The following ADCY5 variants were observed in gnomAD, a reference collection of about 807,000 sequenced individuals.
ADCY5 encodes adenylate cyclase 5.
In ADCY5, 30 loss-of-function variants were observed where a neutral mutation model predicts 119.7. The observed-to-expected ratio is 0.25, with a 90% confidence interval of 0.19 to 0.34. ADCY5 has a LOEUF of 0.34. Among genes scored for constraint, ADCY5 ranks in the 10% least tolerant of loss-of-function variants. The probability of loss-of-function intolerance (pLI) is 1.00; values close to 1 mark genes in which losing one functional copy is unlikely to be tolerated. For missense variants in ADCY5, 1,324 were observed against 1,775.2 expected (o/e 0.75, Z 4.57); for synonymous variants, 753 against 762.2 (o/e 0.99, Z 0.20).
chr3:123,369,107 T>C (rs1559842274), intron 1 of ADCY5, among the ~76,000 whole-genome samples: 1 of 152,218 alleles, frequency 6.6e-6, no homozygotes, highest in East Asian at 1.9e-4. Flanking sequence ...TGGAAAGTAA[T>C]AAGGATTAAA....
intron 2 of ADCY5, among the ~76,000 whole-genome samples, chr3:123,349,337 G>A (rs895886199): frequency 2.0e-5 from 3 of 152,070 alleles, no homozygotes; most frequent in African/African-American, 4.8e-5. Context: ...CCCCTCAGCC[G>A]CAGGACCTGT....
rs552311969 is a variant in ADCY5 at position 123,442,712 on chromosome 3, C to T, written c.1134+4700G>A. Among the ~76,000 whole-genome samples, 13 of 152,290 alleles carry T rather than the reference C, an allele frequency of 8.5e-5. No homozygotes were observed. The South Asian group carries it at 1.9e-3, about 22-fold the overall frequency. On this transcript the variant is annotated intron_variant, in intron 1 of 20. Coordinates refer to ENST00000462833, the MANE Select transcript of ADCY5 (RefSeq NM_183357.3). The stretch of plus-strand genomic sequence containing the variant: ...ATTGTGCCCCTCCGCTGAGTCTCTG[C>T]CATTCCTGAAGTCCTCCCCCAGGGA...
chr3:123,373,778 C>T (rs1436017933), intron 1 of ADCY5, among the ~76,000 whole-genome samples: 3 of 137,382 alleles, frequency 2.2e-5, no homozygotes, highest in South Asian at 2.8e-4. Context: ...CCCCGACCCC[C>T]CCGCAGGTAG....
chr3:123,287,771 C>G (rs1442053331), intron 19 of ADCY5, among the ~76,000 whole-genome samples: 1 of 152,204 alleles, frequency 6.6e-6, no homozygotes, highest in South Asian at 2.1e-4. Context: ...CTGATGGCTT[C>G]TATTTCCCAA....
chr3:123,397,935 TAA>T (rs1355350227), intron 1 of ADCY5, among the ~76,000 whole-genome samples: 1 of 150,508 alleles, frequency 6.6e-6, no homozygotes, highest in Non-Finnish European at 1.5e-5. Flanking sequence ...GCTGGGAGAG[TAA>T]AGAGAGGACC....
At position 123,443,959 on chromosome 3, in the gene ADCY5, C is replaced by T. The variant is rs1023578538; in HGVS notation, c.1134+3453G>A. ...TCCTGGAGTGCAAATGACCACCCCA[C>T]CCCACAGGGCACAACGATACCTTCT... On this transcript the variant is annotated intron_variant, in intron 1 of 20. Transcript: ENST00000462833. Among the ~76,000 whole-genome samples, 9 of 152,338 alleles carry T rather than the reference C, an allele frequency of 5.9e-5. No homozygotes were observed. In the East Asian group the frequency reaches 1.2e-3, roughly 20 times the overall value.
Position 123,318,071 on chromosome 3 carries a change from G to A in ADCY5, c.2303C>T (p.Ala768Val). 6.2e-7 allele frequency: 1 copy of A among 1,613,886 alleles called. No individual in the cohort carries two copies. The highest frequency in any genetic ancestry group is 8.5e-7 in the Non-Finnish European group (1 of 1,179,934). The change falls in exon 11 of 21, where the codon GCC (alanine) becomes GTC (valine). Residue 768 changes from alanine to valine, a missense_variant. Physicochemically the swap from Ala to Val is moderately conservative, Grantham distance 64. Coordinates refer to ENST00000462833, the MANE Select transcript of ADCY5 (RefSeq NM_183357.3). ...GCAGATGAAGAGGAAGACGAGCGAG[G>A]CACACGCCACATAGGCACCAAATCG... is the stretch of plus-strand genomic sequence containing the variant. ...DDRFGAYVAC[A>V]SLVFLFICFV...
At chr3:123,385,580 C>T (rs60147719) in intron 1 of ADCY5, among the ~76,000 whole-genome samples, 23,386 of 152,012 alleles carry the variant, frequency 0.15, 1,919 homozygotes, top group East Asian at 0.36. Flanking sequence ...GTTCTGAATG[C>T]CTACCCCTGC....
intron 1 of ADCY5, among the ~76,000 whole-genome samples, chr3:123,397,571 G>T (rs551871039): frequency 2.6e-5 from 4 of 152,316 alleles, no homozygotes; most frequent in African/African-American, 9.6e-5. Flanking sequence ...CAGGAGTTCA[G>T]GGTTACAGTG....
At chr3:123,438,653 C>T (rs1392880690) in intron 1 of ADCY5, among the ~76,000 whole-genome samples, 1 of 152,172 alleles carries the variant, frequency 6.6e-6, no homozygotes, top group Non-Finnish European at 1.5e-5. Flanking sequence ...CTTAAGGAAC[C>T]CTTGTTTTAC....
chr3:123,285,341 G>A (rs1446776850), intron 20 of ADCY5, among the ~76,000 whole-genome samples: 2 of 152,206 alleles, frequency 1.3e-5, no homozygotes, highest in Non-Finnish European at 2.9e-5. Context: ...TCCAGGTCTT[G>A]TTGTCTGGCT....
intron 1 of ADCY5, among the ~76,000 whole-genome samples, chr3:123,428,961 C>G (rs146894036): frequency 1.2e-3 from 179 of 152,338 alleles, no homozygotes; most frequent in African/African-American, 4.1e-3. Flanking sequence ...CAACCTTAAG[C>G]AAGTCACTTA....
At chr3:123,289,669 C>T (rs748166934) in intron 19 of ADCY5, 81 bp downstream of exon 19, 321 of 1,497,916 alleles carry the variant, frequency 2.1e-4, no homozygotes, top group Non-Finnish European at 2.8e-4. Flanking sequence ...ATGGCGGATG[C>T]GGTATGGGGT....
At chr3:123,399,492 T>C (rs867120282) in intron 1 of ADCY5, among the ~76,000 whole-genome samples, 35 of 152,168 alleles carry the variant, frequency 2.3e-4, no homozygotes, top group Admixed American at 5.9e-4. Flanking sequence ...CTCTCCATAC[T>C]GCTTTGTTTT....
intron 1 of ADCY5, among the ~76,000 whole-genome samples, chr3:123,395,036 G>T (rs1040805688): frequency 6.6e-6 from 1 of 152,188 alleles, no homozygotes; most frequent in Non-Finnish European, 1.5e-5. Flanking sequence ...AAGTGAAAAT[G>T]ACCCTTTGGA....
At chr3:123,445,593 G>C (rs1945800072) in intron 1 of ADCY5, among the ~76,000 whole-genome samples, 2 of 152,174 alleles carry the variant, frequency 1.3e-5, no homozygotes, top group African/African-American at 4.8e-5. Context: ...AAGAGTTGGG[G>C]CTTTTATAAG....
At position 123,310,420 on chromosome 3, in the gene ADCY5, G is replaced by C. The variant is rs1940500123; in HGVS notation, c.2442+3815C>G. Among the ~76,000 whole-genome samples the C allele has an allele frequency of 3.9e-5, 6 of 152,178 alleles. No homozygotes were observed. The South Asian group carries it at 1.2e-3, about 32-fold the overall frequency. ...CCAAAGAGGGAAGGGGCTGCACTCAGGAGCTGTGAGTGAGCTCCCTATCCC... is the reference window on the plus strand; with the variant it reads ...CCAAAGAGGGAAGGGGCTGCACTCACGAGCTGTGAGTGAGCTCCCTATCCC... On this transcript the variant is annotated intron_variant, in intron 12 of 20. Coordinates refer to ENST00000462833, the MANE Select transcript of ADCY5 (RefSeq NM_183357.3).
chr3:123,293,264 T>G (rs879809094), intron 17 of ADCY5, among the ~76,000 whole-genome samples: 28 of 152,044 alleles, frequency 1.8e-4, no homozygotes, highest in Non-Finnish European at 1.8e-4. Context: ...CTTGTGCAGG[T>G]GCTTGAAGAA....
intron 1 of ADCY5, among the ~76,000 whole-genome samples, chr3:123,423,897 G>A (rs79200886): frequency 4.4e-3 from 665 of 152,330 alleles, no homozygotes; most frequent in Non-Finnish European, 7.9e-3. Flanking sequence ...GAGTGGCAGG[G>A]AGCACCGTTC....
Sources: allele counts gnomAD v4.1 joint callset (sites outside exome capture counted in the v4.1 genomes callset), GRCh38; gene constraint gnomAD v4.1.1; transcripts MANE v1.5; gene names NCBI Gene and HGNC (gene_info 2026-07-23, HGNC 2026-07-21).